Variants in BID observed in about 807,000 individuals in gnomAD.
BID encodes BH3-interacting domain death agonist.
Under a neutral mutation model 17.4 loss-of-function variants are expected in BID, and 19 were observed. The observed-to-expected ratio is 1.09, with a 90% CI of 0.76 to 1.60. BID has a LOEUF of 1.60. Ranked by LOEUF, BID falls within the 40% of genes most tolerant of loss-of-function variation. The pLI is 0.00. For missense variants in BID, 226 were observed against 256.0 expected, an observed-to-expected ratio of 0.88 and a Z score of 0.80; for synonymous variants, 108 against 102.8, an observed-to-expected ratio of 1.05 and a Z score of -0.31.
At chr22:17,762,353 C>T (rs891636450) in intron 1 of BID, among the ~76,000 whole-genome samples, 4 of 152,016 alleles carry the variant, frequency 2.6e-5, no homozygotes, top group East Asian at 3.9e-4. Flanking sequence ...AAAAATTAGC[C>T]GGGCATGATG....
Position 17,739,430 on chromosome 22 carries a change from C to A in BID, c.282G>T (p.Gly94=), listed in dbSNP as rs1386969173. The stretch of plus-strand genomic sequence containing the variant: ...GAGGGATGCTACGGTCCATGCTGTC[C>A]CCGACCTGGGCGAGGTGCCTGGCAA... The part of the protein sequence containing the change: ...RNIARHLAQV[G]DSMDRSIPPG... The change falls in exon 4 of 6, where the codon GGG becomes GGT. Residue 94 remains glycine (G), a synonymous_variant. Coordinates refer to ENST00000622694, the MANE Select transcript of BID (RefSeq NM_001196.4). 2 of 1,612,492 alleles carry A rather than the reference C, an allele frequency of 1.2e-6. No individual in the cohort carries two copies. Among genetic ancestry groups the A allele is most frequent in the South Asian group, 2.2e-5 (2 of 91,072 alleles).
chr22:17,759,983 A>C (rs181904877), intron 1 of BID, among the ~76,000 whole-genome samples: 1,511 of 150,352 alleles, frequency 0.01, 26 homozygotes, highest in African/African-American at 0.035. Flanking sequence ...AAATACAAAA[A>C]ATTAGCCGGG....
intron 3 of BID, chr22:17,739,848 G>C (rs1601836719): frequency 3.3e-6 from 2 of 607,912 alleles, no homozygotes; most frequent in East Asian, 5.6e-5. Context: ...GCCTTGGCCT[G>C]GGCAGCCGTT....
At chr22:17,765,659 T>C (rs1015181873) in intron 1 of BID, among the ~76,000 whole-genome samples, 3 of 152,064 alleles carry the variant, frequency 2.0e-5, no homozygotes, top group Non-Finnish European at 2.9e-5. Context: ...GAACAAAAGG[T>C]ACACCTGTAT....
Position 17,772,488 on chromosome 22 carries a change from C to CA in BID, c.-59+1892dup, listed in dbSNP as rs1443715286. 2.6e-5 allele frequency among the ~76,000 whole-genome samples: 4 copies of CA among 152,234 alleles called. No homozygotes were observed. The South Asian group carries it at 6.2e-4, about 24-fold the overall frequency. On this transcript the variant is annotated intron_variant, in intron 1 of 5. Coordinates refer to ENST00000622694, the MANE Select transcript of BID (RefSeq NM_001196.4). ...GGGAGGTCTCTCATGGGCTGACAGC[C>CA]AGAGCCAGCGCTCCGGGTCCCCTGA...
chr22:17,741,566 C>T (rs554223096), intron 3 of BID, among the ~76,000 whole-genome samples: 9 of 152,052 alleles, frequency 5.9e-5, no homozygotes, highest in South Asian at 4.2e-4. Context: ...CTCCGCTTCC[C>T]GGGTTCAAAC....
At chr22:17,767,236 T>A (rs989743790) in intron 1 of BID, among the ~76,000 whole-genome samples, 11 of 138,194 alleles carry the variant, frequency 8.0e-5, no homozygotes, top group South Asian at 2.4e-4. Flanking sequence ...AAAAAAAAAA[T>A]TATAATAAAT....
At chr22:17,744,485 C>T (rs916706446) in intron 2 of BID, among the ~76,000 whole-genome samples, 12 of 152,358 alleles carry the variant, frequency 7.9e-5, no homozygotes, top group Non-Finnish European at 1.3e-4. Flanking sequence ...ATCTCCTTCA[C>T]GGGCTCAGGA....
At chr22:17,758,687 G>A (rs995730799) in intron 1 of BID, among the ~76,000 whole-genome samples, 4 of 152,188 alleles carry the variant, frequency 2.6e-5, no homozygotes, top group African/African-American at 9.6e-5. Context: ...TCCAAGGGGT[G>A]CCCAGAGTAG....
At chr22:17,768,234 T>A (rs538280565) in intron 1 of BID, among the ~76,000 whole-genome samples, 1 of 152,298 alleles carries the variant, frequency 6.6e-6, no homozygotes, top group African/African-American at 2.4e-5. Context: ...TGCCCTTTGA[T>A]GGGTGAATTT....
chr22:17,751,482 T>C (rs932884883), intron 1 of BID, among the ~76,000 whole-genome samples: 11 of 152,164 alleles, frequency 7.2e-5, no homozygotes, highest in African/African-American at 2.7e-4. Flanking sequence ...TGTGCGTGTG[T>C]GTGTGTAGAC....
intron 2 of BID, among the ~76,000 whole-genome samples, chr22:17,746,405 T>C (rs1465942961): frequency 6.6e-6 from 1 of 152,246 alleles, no homozygotes; most frequent in Non-Finnish European, 1.5e-5. Flanking sequence ...AAGTTGTTTC[T>C]GAAGAGAGGA....
upstream of BID, chr22:17,774,635 C>T (rs2061747004): frequency 6.6e-6 from 1 of 151,680 alleles, no homozygotes; most frequent in South Asian, 2.1e-4. Flanking sequence ...GCTTTCCACC[C>T]TTACCCCTTA....
rs372478748 is a variant in BID at position 17,767,191 on chromosome 22, T to G, written c.-59+7190A>C. ...GTGAGCCGAGATCGCGCCACTGCAC[T>G]CTAGCCTGTGTGACAGAGTGAGATT... On this transcript the variant is annotated intron_variant, in intron 1 of 5. Transcript: ENST00000622694. 1.5e-4 allele frequency among the ~76,000 whole-genome samples: 23 copies of G among 150,382 alleles called. 1 individual carries two copies. In the East Asian group the frequency reaches 4.2e-3, roughly 28 times the overall value.
In BID at chr22:17,735,260, A is replaced by G. The variant is rs886218724; in HGVS notation, c.*320T>C. 2 of 285,442 alleles carry G rather than the reference A, an allele frequency of 7.0e-6. No individual in the cohort carries two copies. Among genetic ancestry groups the G allele is most frequent in the African/African-American group, 2.2e-5 (1 of 45,470 alleles). 17.7% of individuals were successfully genotyped at this position (285,442 alleles called of 1,614,324 possible). ...CTACTTCCTTGAAACCTGCTTTCCA[A>G]TTTAATTTTTAAGTGGGAACCTGCA... On this transcript the variant is annotated 3_prime_UTR_variant, in exon 6 of 6. Transcript: ENST00000622694.
chr22:17,750,283 G>A (rs1231912475), intron 1 of BID, 109 bp from the exon 2 acceptor site: 1 of 932,924 alleles, frequency 1.1e-6, no homozygotes, highest in Non-Finnish European at 1.7e-6. Context: ...GCTGAGCCGA[G>A]GTCCTGGCCT....
intron 1 of BID, among the ~76,000 whole-genome samples, chr22:17,753,364 CCCCTGAGCTGTGCCTTGAGG>C (rs1833186064): frequency 6.6e-6 from 1 of 152,228 alleles, no homozygotes; most frequent in South Asian, 2.1e-4. Context: ...GAGGGCAGCT[CCCCTGAGCTGTGCCTTGAGG>C]CCACACGGCC....
intron 5 of BID, among the ~76,000 whole-genome samples, chr22:17,736,953 GCCACCACACCCA>G (rs2061424280): frequency 6.6e-6 from 1 of 151,828 alleles, no homozygotes; most frequent in African/African-American, 2.4e-5. Context: ...ACAGGCGCCC[GCCACCACACCCA>G]GCTAATTTTT....
At chr22:17,745,887 A>C (rs1296682) in intron 2 of BID, among the ~76,000 whole-genome samples, 18,817 of 151,670 alleles carry the variant, frequency 0.12, 1,632 homozygotes, top group Non-Finnish European at 0.18. Context: ...AATCGCTTGA[A>C]CCCGGGAGGT....
Sources: allele counts gnomAD v4.1 joint callset (sites outside exome capture counted in the v4.1 genomes callset), GRCh38; gene constraint gnomAD v4.1.1; transcripts MANE v1.5; gene names NCBI Gene and HGNC (gene_info 2026-07-23, HGNC 2026-07-21).